PLCB4: variants seen among roughly 807,000 people sequenced by gnomAD.
PLCB4 encodes phospholipase C beta 4.
In PLCB4, 77 loss-of-function variants were observed where a neutral mutation model predicts 178.8. That is an observed-to-expected ratio of 0.43 (90% CI 0.36 to 0.52). The LOEUF is 0.52. Ranked by LOEUF, PLCB4 falls within the 20% of genes least tolerant of loss-of-function variation. PLCB4 has a pLI of 0.00. For missense variants in PLCB4, 1,024 were observed against 1,453.4 expected (o/e 0.70, Z 4.80); for synonymous variants, 496 against 490.8 (o/e 1.01, Z -0.14).
chr20:9,321,311 A>G (rs1474274629), intron 4 of PLCB4, among the ~76,000 whole-genome samples: 1 of 152,238 alleles, frequency 6.6e-6, no homozygotes, highest in Non-Finnish European at 1.5e-5. Context: ...GTATTGCTAA[A>G]GAGAACATAC....
intron 3 of PLCB4, among the ~76,000 whole-genome samples, chr20:9,248,418 A>C (rs944875131): frequency 6.6e-6 from 1 of 152,170 alleles, no homozygotes; most frequent in Non-Finnish European, 1.5e-5. Context: ...TAACTCAAAG[A>C]GTTTCTTAAT....
At chr20:9,205,650 C>T (rs956233691) in intron 2 of PLCB4, among the ~76,000 whole-genome samples, 1 of 152,160 alleles carries the variant, frequency 6.6e-6, no homozygotes, top group Non-Finnish European at 1.5e-5. Flanking sequence ...TACATGCACT[C>T]ATTTGTGTGT....
intron 3 of PLCB4, among the ~76,000 whole-genome samples, chr20:9,243,981 A>G (rs574165011): frequency 6.6e-5 from 10 of 152,216 alleles, no homozygotes; most frequent in Non-Finnish European, 1.2e-4. Context: ...CTCTTTGTAT[A>G]TCCTGGACAT....
chr20:9,219,031 C>T (rs967743395), intron 3 of PLCB4, among the ~76,000 whole-genome samples: 1 of 152,058 alleles, frequency 6.6e-6, no homozygotes, highest in Non-Finnish European at 1.5e-5. Context: ...GTTCCTATGA[C>T]GAGTTATGTG....
At chr20:9,320,435 T>G (rs575858968) in intron 4 of PLCB4, among the ~76,000 whole-genome samples, 1 of 152,328 alleles carries the variant, frequency 6.6e-6, no homozygotes, top group South Asian at 2.1e-4. Context: ...GCTTCCTTAG[T>G]GCATCCTGTT....
At chr20:9,193,031 T>C (rs1264513968) in intron 2 of PLCB4, among the ~76,000 whole-genome samples, 4 of 152,196 alleles carry the variant, frequency 2.6e-5, no homozygotes, top group East Asian at 1.9e-4. Flanking sequence ...AAAATGCTTC[T>C]TGATCAGCAG....
At chr20:9,121,234 T>TG (rs1194075216) in intron 2 of PLCB4, among the ~76,000 whole-genome samples, 1 of 152,204 alleles carries the variant, frequency 6.6e-6, no homozygotes, top group Non-Finnish European at 1.5e-5. Flanking sequence ...GAATGTTTCT[T>TG]GAATTTCTTA....
intron 4 of PLCB4, among the ~76,000 whole-genome samples, chr20:9,329,551 C>G (rs1183793965): frequency 1.3e-5 from 2 of 152,258 alleles, no homozygotes; most frequent in Admixed American, 1.3e-4. Context: ...AGAACGGCAT[C>G]TCCCTGTTGG....
intron 27 of PLCB4, 93 bp downstream of exon 27, chr20:9,421,554 A>G: frequency 2.2e-6 from 2 of 920,290 alleles, no homozygotes; most frequent in South Asian, 1.6e-5. Context: ...CACTTATTCA[A>G]CCGACAACAT....
chr20:9,267,144 G>A (rs1158148443), intron 3 of PLCB4, among the ~76,000 whole-genome samples: 1 of 152,132 alleles, frequency 6.6e-6, no homozygotes, highest in Non-Finnish European at 1.5e-5. Flanking sequence ...TCTAGTCACA[G>A]TTCCTAGGTA....
intron 5 of PLCB4, 126 bp from the exon 6 acceptor site, chr20:9,337,882 T>C: frequency 1.6e-6 from 1 of 619,190 alleles, no homozygotes; most frequent in Non-Finnish European, 3.0e-6. Context: ...ATGGTTTTAA[T>C]TCCCTCTTCA....
intron 3 of PLCB4, among the ~76,000 whole-genome samples, chr20:9,227,188 T>C (rs760800751): frequency 6.6e-6 from 1 of 151,886 alleles, no homozygotes; most frequent in Admixed American, 6.6e-5. Flanking sequence ...TTTTTTTTTT[T>C]ATATGTACTG....
At chr20:9,365,641 C>T (rs2035712209) in intron 9 of PLCB4, 127 bp downstream of exon 9, 2 of 525,846 alleles carry the variant, frequency 3.8e-6, no homozygotes, top group South Asian at 7.5e-5. Flanking sequence ...ATCTTAGTTT[C>T]AATTGCTTTG....
chr20:9,366,947 TAA>T (rs1196834117), intron 9 of PLCB4, among the ~76,000 whole-genome samples: 8 of 152,206 alleles, frequency 5.3e-5, no homozygotes, highest in African/African-American at 1.7e-4. Flanking sequence ...CTTTCAGAAA[TAA>T]CCAGGTCACC....
At chr20:9,393,780 GA>G (rs1359600429) in intron 18 of PLCB4, 102 bp downstream of exon 18, 4 of 751,742 alleles carry the variant, frequency 5.3e-6, no homozygotes, top group Admixed American at 2.1e-5. Context: ...ATTTTTGGGG[GA>G]AGGGTGTAGG....
intron 2 of PLCB4, among the ~76,000 whole-genome samples, chr20:9,212,740 A>G (rs559954418): frequency 6.3e-4 from 96 of 152,276 alleles, no homozygotes; most frequent in African/African-American, 2.2e-3. Context: ...ATATATATAA[A>G]TTTTATCACT....
At chr20:9,105,093 A>T (rs1261953620) in intron 2 of PLCB4, among the ~76,000 whole-genome samples, 1 of 152,146 alleles carries the variant, frequency 6.6e-6, no homozygotes, top group Non-Finnish European at 1.5e-5. Context: ...GAGTATGTTT[A>T]GACTCACCTA....
intron 2 of PLCB4, among the ~76,000 whole-genome samples, chr20:9,138,516 T>C (rs528418214): frequency 5.7e-4 from 87 of 152,212 alleles, no homozygotes; most frequent in Non-Finnish European, 8.4e-4. Flanking sequence ...TGGTATCTTC[T>C]GTCACTACAC....
chr20:9,188,130 G>C (rs1601003057), intron 2 of PLCB4, among the ~76,000 whole-genome samples: 1 of 152,222 alleles, frequency 6.6e-6, no homozygotes, highest in Admixed American at 6.5e-5. Flanking sequence ...ATTCCAGGGA[G>C]TGGAGACAGA....
Sources: gnomAD v4.1 joint callset for allele counts (sites outside exome capture counted in the v4.1 genomes callset) on GRCh38, gnomAD v4.1.1 for gene constraint, MANE v1.5 for transcripts, NCBI Gene and HGNC (gene_info 2026-07-23, HGNC 2026-07-21) for gene names.